Variants in MND1 observed in about 807,000 individuals in gnomAD.
MND1 encodes meiotic nuclear division protein 1 homolog.
In MND1, 28 loss-of-function variants were observed where a neutral mutation model predicts 35.1. That is an observed-to-expected ratio of 0.80 (90% CI 0.59 to 1.09). MND1 has a LOEUF of 1.09. Among genes scored for constraint, MND1 ranks in the 50% least tolerant of loss-of-function variants. The pLI is 0.00. For missense variants in MND1, 213 were observed against 239.6 expected (o/e 0.89, Z 0.73); for synonymous variants, 69 against 70.5 (o/e 0.98, Z 0.11).
At chr4:153,356,051 A>T (rs150356098) in intron 3 of MND1, among the ~76,000 whole-genome samples, 1,715 of 152,340 alleles carry the variant, frequency 0.011, 12 homozygotes, top group Middle Eastern at 0.014. Context: ...ACACACTTGT[A>T]GTCCCAGCCA....
intron 4 of MND1, among the ~76,000 whole-genome samples, chr4:153,361,295 G>A (rs1041687739): frequency 5.3e-5 from 8 of 152,152 alleles, no homozygotes; most frequent in African/African-American, 1.9e-4. Context: ...AGAATTCTTA[G>A]TTATTTTTCC....
chr4:153,375,985 G>A (rs1728495486), intron 4 of MND1, among the ~76,000 whole-genome samples: 1 of 152,136 alleles, frequency 6.6e-6, no homozygotes. Flanking sequence ...ATGTGGAAGT[G>A]ATGAAAGTGG....
At chr4:153,400,770 G>A (rs1729326793) in intron 6 of MND1, among the ~76,000 whole-genome samples, 2 of 152,064 alleles carry the variant, frequency 1.3e-5, no homozygotes, top group African/African-American at 4.8e-5. Context: ...TACAAGCAAA[G>A]ACTACCAGGC....
intron 4 of MND1, among the ~76,000 whole-genome samples, chr4:153,393,924 CTTTTTTTTTT>C (rs36028750): frequency 3.5e-5 from 2 of 56,464 alleles, no homozygotes; most frequent in Admixed American, 3.1e-4. Context: ...ACTTTGTTTT[CTTTTTTTTTT>C]TTTTTTTTTT....
chr4:153,352,350 G>A (rs1049896578), intron 2 of MND1, among the ~76,000 whole-genome samples: 2 of 152,056 alleles, frequency 1.3e-5, no homozygotes, highest in African/African-American at 4.8e-5. Context: ...TTATTTGCCC[G>A]TTGCACTTAG....
intron 4 of MND1, among the ~76,000 whole-genome samples, chr4:153,381,065 A>G (rs1728667136): frequency 6.6e-6 from 1 of 151,994 alleles, no homozygotes; most frequent in Non-Finnish European, 1.5e-5. Context: ...ACACCCGGCT[A>G]ATTTTTTGTA....
chr4:153,381,618 T>G (rs1292131652), intron 4 of MND1: 1 of 125,696 alleles, frequency 8.0e-6, no homozygotes, highest in East Asian at 2.3e-4. Context: ...TTTTAAAATT[T>G]CAGTATTCAT....
At chr4:153,387,646 G>A (rs1327162846) in intron 4 of MND1, among the ~76,000 whole-genome samples, 1 of 151,984 alleles carries the variant, frequency 6.6e-6, no homozygotes, top group African/African-American at 2.4e-5. Context: ...CCTACCTGTA[G>A]TCGTAGCTAC....
intron 1 of MND1, 114 bp from the exon 2 acceptor site, chr4:153,349,950 A>T (rs1773171249): frequency 1.5e-6 from 1 of 678,238 alleles, no homozygotes; most frequent in Non-Finnish European, 2.5e-6. Flanking sequence ...CTTTGAGAGT[A>T]TCAAACCTGT....
At chr4:153,400,271 A>G (rs1394335332) in intron 6 of MND1, among the ~76,000 whole-genome samples, 1 of 152,166 alleles carries the variant, frequency 6.6e-6, no homozygotes, top group Non-Finnish European at 1.5e-5. Context: ...GCAACCATGT[A>G]AAGATGGATC....
chr4:153,394,375 T>A, intron 5 of MND1, 39 bp downstream of exon 5: 1 of 1,525,790 alleles, frequency 6.6e-7, no homozygotes, highest in East Asian at 2.3e-5. Flanking sequence ...TAATGGCAAT[T>A]CTAAATATTA....
intron 3 of MND1, among the ~76,000 whole-genome samples, chr4:153,356,876 C>G (rs532044206): frequency 1.3e-5 from 2 of 151,934 alleles, no homozygotes; most frequent in African/African-American, 4.8e-5. Flanking sequence ...AGGCTGGAGC[C>G]CAGTGGTGCA....
intron 4 of MND1, among the ~76,000 whole-genome samples, chr4:153,362,651 T>C (rs916049457): frequency 3.3e-5 from 5 of 152,230 alleles, no homozygotes; most frequent in African/African-American, 9.6e-5. Context: ...TACTTAAATA[T>C]GTCAAATTTG....
At chr4:153,364,434 G>A (rs895989694) in intron 4 of MND1, among the ~76,000 whole-genome samples, 2 of 151,882 alleles carry the variant, frequency 1.3e-5, no homozygotes, top group Admixed American at 6.6e-5. Flanking sequence ...GGAGGATCGC[G>A]TGAGCCTAAG....
intron 4 of MND1, among the ~76,000 whole-genome samples, chr4:153,366,405 G>A (rs1278463908): frequency 6.6e-6 from 1 of 152,146 alleles, no homozygotes; most frequent in Non-Finnish European, 1.5e-5. Flanking sequence ...AACTAAGATA[G>A]GGAAGACTGC....
chr4:153,366,756 G>A (rs533038194), intron 4 of MND1, among the ~76,000 whole-genome samples: 1 of 152,324 alleles, frequency 6.6e-6, no homozygotes, highest in Admixed American at 6.5e-5. Context: ...ATAATAACTG[G>A]TATTTATTGA....
intron 4 of MND1, among the ~76,000 whole-genome samples, chr4:153,380,902 A>G (rs549513467): frequency 3.2e-4 from 46 of 141,938 alleles, no homozygotes; most frequent in African/African-American, 1.3e-3. Flanking sequence ...TTAAGACATC[A>G]GAGTTTTTTT....
chr4:153,409,267 A>G (rs1006119632), intron 7 of MND1: 5 of 170,758 alleles, frequency 2.9e-5, no homozygotes, highest in East Asian at 1.5e-4. Flanking sequence ...CTTTTGTGCA[A>G]CTTTTCCCAA....
In MND1 at chr4:153,397,245, G is replaced by T; in HGVS notation, c.378G>T (p.Glu126Asp). The T allele has an allele frequency of 6.2e-7, 1 of 1,612,436 alleles. No homozygotes were observed. ...AAGAGCGAACCAGGCTAGCAAAAGA[G>T]CTTTCTTCACTTCGAGACCAAAGGG... is the stretch of plus-strand genomic sequence containing the variant. ...ETEERTRLAK[E>D]LSSLRDQREQ... The change falls in exon 6 of 8, where the codon GAG (glutamate) becomes GAT (aspartate). Residue 126 changes from glutamate (E) to aspartate (D), a missense_variant. Transcript: ENST00000240488.
Sources: allele counts gnomAD v4.1 joint callset (sites outside exome capture counted in the v4.1 genomes callset), GRCh38; gene constraint gnomAD v4.1.1; transcripts MANE v1.5; gene names NCBI Gene and HGNC (gene_info 2026-07-23, HGNC 2026-07-21).